The following PCDH7 variants were observed in gnomAD, a reference collection of about 807,000 sequenced individuals.
PCDH7 encodes the protein protocadherin-7.
A neutral mutation model predicts 58.9 loss-of-function variants in PCDH7; 17 were observed. The observed-to-expected ratio is 0.29, with a 90% CI of 0.20 to 0.43. The LOEUF is 0.43. Among genes scored for constraint, PCDH7 ranks in the 20% least tolerant of loss-of-function variants. The pLI, the probability that PCDH7 is intolerant of heterozygous loss-of-function variation, is 1.00. For synonymous variants in PCDH7, 664 were observed against 616.4 expected (o/e 1.08, Z -1.14); for missense variants, 1,274 against 1,441.0 (o/e 0.88, Z 1.88).
chr4:30,960,448 T>C (rs1748304051), intron 3 of PCDH7, among the ~76,000 whole-genome samples: 1 of 152,250 alleles, frequency 6.6e-6, no homozygotes, highest in East Asian at 1.9e-4. Flanking sequence ...TCCTACTGCT[T>C]ATTGAGGGTG....
At chr4:31,029,021 A>C (rs1754674671) in intron 3 of PCDH7, among the ~76,000 whole-genome samples, 1 of 152,234 alleles carries the variant, frequency 6.6e-6, no homozygotes, top group Admixed American at 6.5e-5. Context: ...GGTGGCAAGA[A>C]ATTTCAGAAA....
chr4:31,016,907 T>C (rs1271583854), intron 3 of PCDH7, among the ~76,000 whole-genome samples: 1 of 150,308 alleles, frequency 6.7e-6, no homozygotes, highest in East Asian at 2.0e-4. Context: ...GGTGTGTGTG[T>C]GTGCTGTGTG....
rs1560541749 is a variant in PCDH7, at chr4:30,968,417, G to GATATATAT, written c.*7+18202_*7+18203insATATATAT. Among the ~76,000 whole-genome samples the GATATATAT allele has an allele frequency of 6.9e-3, 144 of 20,904 alleles. 1 individual carries two copies. The highest frequency in any genetic ancestry group is 0.016 in the African/African-American group (109 of 6,984). 13.7% of individuals were successfully genotyped at this position (20,904 alleles called of 152,430 possible). A position where few individuals can be genotyped will look rare whatever the true frequency, so the allele number is the denominator to read the frequency against. Reference sequence around the variant, plus strand: ...ATATATATATATATATATATATATGGGATATTATGTCAGAATTAAAAAACA... The same window carrying GATATATAT: ...ATATATATATATATATATATATATGGATATATATGATATTATGTCAGAATTAAAAAACA... On this transcript the variant is annotated intron_variant, in intron 3 of 3. Transcript: ENST00000509759.
chr4:30,860,622 C>A (rs552041540), intron 1 of PCDH7, among the ~76,000 whole-genome samples: 4 of 152,256 alleles, frequency 2.6e-5, no homozygotes, highest in African/African-American at 7.2e-5. Flanking sequence ...CACATGATTA[C>A]CCTCTTGCCA....
intron 3 of PCDH7, among the ~76,000 whole-genome samples, chr4:31,041,571 A>T (rs1053289416): frequency 2.0e-5 from 3 of 152,050 alleles, no homozygotes; most frequent in African/African-American, 7.2e-5. Flanking sequence ...GGCCAGTTAA[A>T]GTTACCCCCC....
intron 3 of PCDH7, among the ~76,000 whole-genome samples, chr4:31,050,997 T>C (rs1477658914): frequency 2.6e-5 from 4 of 152,198 alleles, no homozygotes; most frequent in Non-Finnish European, 5.9e-5. Context: ...GAATAGCACC[T>C]GAATCTTAAT....
intron 3 of PCDH7, among the ~76,000 whole-genome samples, chr4:31,083,452 CTTAAA>C (rs1250576846): frequency 6.6e-6 from 1 of 152,096 alleles, no homozygotes; most frequent in African/African-American, 2.4e-5. Context: ...TCACAGACCA[CTTAAA>C]TTATTTTGCT....
At chr4:30,803,285 A>G (rs1725762174) in intron 1 of PCDH7, among the ~76,000 whole-genome samples, 1 of 152,184 alleles carries the variant, frequency 6.6e-6, no homozygotes, top group East Asian at 1.9e-4. Context: ...GCTGAGTAGA[A>G]GTGACTGTCA....
At chr4:30,872,872 G>T (rs1304955641) in intron 1 of PCDH7, among the ~76,000 whole-genome samples, 1 of 152,012 alleles carries the variant, frequency 6.6e-6, no homozygotes, top group East Asian at 1.9e-4. Context: ...CTTTTAGCTT[G>T]CTTATGAGGA....
intron 1 of PCDH7, among the ~76,000 whole-genome samples, chr4:30,863,802 T>C (rs1398778911): frequency 6.6e-6 from 1 of 152,162 alleles, no homozygotes; most frequent in East Asian, 1.9e-4. Flanking sequence ...TGCTTGTGGG[T>C]TTTTTCCAAC....
chr4:30,921,710 G>A (rs1743205612), intron 2 of PCDH7, among the ~76,000 whole-genome samples: 1 of 151,820 alleles, frequency 6.6e-6, no homozygotes. Flanking sequence ...ATGGGAGTCT[G>A]GTGTGGTTTC....
At chr4:30,865,768 A>C (rs188954004) in intron 1 of PCDH7, among the ~76,000 whole-genome samples, 150 of 152,204 alleles carry the variant, frequency 9.9e-4, no homozygotes, top group African/African-American at 3.6e-3. Flanking sequence ...TTCTCAGTTG[A>C]TGAACAGTTG....
At chr4:31,052,778 C>A (rs1047241936) in intron 3 of PCDH7, among the ~76,000 whole-genome samples, 1 of 152,030 alleles carries the variant, frequency 6.6e-6, no homozygotes, top group South Asian at 2.1e-4. Flanking sequence ...TTTATCTGTT[C>A]GTAGGAATCA....
chr4:30,878,809 C>CA (rs550598458), intron 1 of PCDH7, among the ~76,000 whole-genome samples: 181 of 152,172 alleles, frequency 1.2e-3, no homozygotes, highest in African/African-American at 4.1e-3. Flanking sequence ...GAGATTGTGC[C>CA]ATTGCACTCC....
At chr4:30,909,730 C>T (rs1441241916) in intron 1 of PCDH7, among the ~76,000 whole-genome samples, 7 of 152,234 alleles carry the variant, frequency 4.6e-5, no homozygotes, top group East Asian at 1.9e-4. Context: ...GAATCAATAT[C>T]GTGAACATGG....
chr4:30,793,778 A>G (rs538388468), intron 1 of PCDH7: 2 of 152,336 alleles, frequency 1.3e-5, no homozygotes, highest in South Asian at 4.1e-4. Context: ...AATGACCACA[A>G]ATCAATGCCC....
At chr4:30,819,003 G>A (rs1728028127) in intron 1 of PCDH7, among the ~76,000 whole-genome samples, 1 of 152,154 alleles carries the variant, frequency 6.6e-6, no homozygotes, top group Non-Finnish European at 1.5e-5. Context: ...GAAAGGGAAA[G>A]ACACCTTTCA....
At chr4:30,777,769 T>C (rs2109285195) in intron 1 of PCDH7, among the ~76,000 whole-genome samples, 1 of 152,314 alleles carries the variant, frequency 6.6e-6, no homozygotes, top group South Asian at 2.1e-4. Context: ...TTCACTTGTG[T>C]GCTATATTTG....
chr4:30,742,063 G>GT (rs1717154561), intron 1 of PCDH7, among the ~76,000 whole-genome samples: 1 of 152,170 alleles, frequency 6.6e-6, no homozygotes, highest in South Asian at 2.1e-4. Context: ...ACAAGTGGCA[G>GT]TTGTTTTCAG....
Sources: gnomAD v4.1 joint callset for allele counts (sites outside exome capture counted in the v4.1 genomes callset) on GRCh38, gnomAD v4.1.1 for gene constraint, MANE v1.5 for transcripts, NCBI Gene and HGNC (gene_info 2026-07-23, HGNC 2026-07-21) for gene names.